Variants in PCDH7 observed in about 807,000 individuals in gnomAD.
PCDH7 encodes the protein protocadherin 7.
In PCDH7, 17 loss-of-function variants were observed where a neutral mutation model predicts 58.9. That is an observed-to-expected ratio of 0.29 (90% confidence interval 0.20 to 0.43). The LOEUF (loss-of-function observed/expected upper bound fraction) is 0.43. Among genes scored for constraint, PCDH7 ranks in the 20% least tolerant of loss-of-function variants. PCDH7 has a pLI of 1.00. For synonymous variants in PCDH7, 664 were observed against 616.4 expected (o/e 1.08, Z -1.14); for missense variants, 1,274 against 1,441.0 (o/e 0.88, Z 1.88).
chr4:31,048,514 C>G (rs1756473236), intron 3 of PCDH7, among the ~76,000 whole-genome samples: 1 of 152,046 alleles, frequency 6.6e-6, no homozygotes, highest in Non-Finnish European at 1.5e-5. Context: ...GACTAATTTG[C>G]TGTGATTAGC....
At chr4:30,989,178 T>A (rs966080948) in intron 3 of PCDH7, among the ~76,000 whole-genome samples, 9 of 152,162 alleles carry the variant, frequency 5.9e-5, no homozygotes, top group African/African-American at 2.2e-4. Context: ...TTTCTTAGAT[T>A]ATTTGATTTA....
At chr4:30,921,970 G>A (rs1016820039) in intron 2 of PCDH7, among the ~76,000 whole-genome samples, 5 of 151,602 alleles carry the variant, frequency 3.3e-5, no homozygotes, top group Non-Finnish European at 7.4e-5. Flanking sequence ...TGTTTTATGA[G>A]TTTATGGGGA....
intron 3 of PCDH7, among the ~76,000 whole-genome samples, chr4:31,129,863 G>A (rs1578875784): frequency 6.6e-6 from 1 of 151,882 alleles, no homozygotes; most frequent in Non-Finnish European, 1.5e-5. Flanking sequence ...CCTGACCTCA[G>A]GTGATCCACC....
chr4:30,838,495 G>T (rs1225410452), intron 1 of PCDH7, among the ~76,000 whole-genome samples: 4 of 151,542 alleles, frequency 2.6e-5, no homozygotes, highest in Admixed American at 6.6e-5. Flanking sequence ...ATTTTAAAGG[G>T]TTTTTTTTCC....
exon 2 of PCDH7, chr4:30,731,051 C>T (rs762935886): frequency 1.3e-5 from 15 of 1,178,038 alleles, no homozygotes; most frequent in Middle Eastern, 3.4e-4. Flanking sequence ...CTTAAAGAGG[C>T]GGTTAGCACC....
intron 3 of PCDH7, among the ~76,000 whole-genome samples, chr4:31,025,208 T>A (rs1364777769): frequency 1.3e-5 from 2 of 152,228 alleles, no homozygotes; most frequent in African/African-American, 4.8e-5. Flanking sequence ...AAGGAAAGGT[T>A]AACATACATT....
intron 3 of PCDH7, among the ~76,000 whole-genome samples, chr4:31,138,155 TC>T (rs1719842642): frequency 7.1e-6 from 1 of 140,180 alleles, no homozygotes; most frequent in East Asian, 2.1e-4. Context: ...GATTCTATTA[TC>T]TATCTGTCAC....
chr4:30,806,277 A>T (rs1726185057), intron 1 of PCDH7, among the ~76,000 whole-genome samples: 1 of 150,856 alleles, frequency 6.6e-6, no homozygotes, highest in Non-Finnish European at 1.5e-5. Context: ...ATCCACTCTG[A>T]CCCCTTTTCT....
At chr4:30,977,870 G>T (rs769888309) in intron 3 of PCDH7, among the ~76,000 whole-genome samples, 10 of 152,114 alleles carry the variant, frequency 6.6e-5, no homozygotes, top group Non-Finnish European at 1.2e-4. Context: ...ATTTTCCCAT[G>T]TTGGCCATTT....
chr4:31,141,820 G>A (rs1282381533), intron 3 of PCDH7, among the ~76,000 whole-genome samples: 1 of 152,118 alleles, frequency 6.6e-6, no homozygotes, highest in Non-Finnish European at 1.5e-5. Flanking sequence ...CATGGTAGGA[G>A]GGGGGTGAGG....
intron 2 of PCDH7, among the ~76,000 whole-genome samples, chr4:30,931,987 T>A (rs1435880207): frequency 6.6e-6 from 1 of 152,184 alleles, no homozygotes; most frequent in Non-Finnish European, 1.5e-5. Context: ...ATGCAATTAT[T>A]TGACCATTTT....
intron 1 of PCDH7, among the ~76,000 whole-genome samples, chr4:30,877,578 G>C (rs556151133): frequency 1.3e-5 from 2 of 152,294 alleles, no homozygotes; most frequent in South Asian, 2.1e-4. Context: ...GTCTCCTTCC[G>C]ACTGGCTCTC....
intron 3 of PCDH7, among the ~76,000 whole-genome samples, chr4:30,963,414 G>A (rs1171921747): frequency 6.6e-6 from 1 of 152,044 alleles, no homozygotes; most frequent in Non-Finnish European, 1.5e-5. Context: ...GATTATTTAA[G>A]ACCAAGTATA....
intron 3 of PCDH7, among the ~76,000 whole-genome samples, chr4:30,973,136 G>A (rs1238199898): frequency 6.6e-6 from 1 of 152,180 alleles, no homozygotes; most frequent in Non-Finnish European, 1.5e-5. Flanking sequence ...GGCCAAGTGT[G>A]TAATAGAGAC....
chr4:30,862,862 T>C (rs1411172984), intron 1 of PCDH7, among the ~76,000 whole-genome samples: 3 of 152,208 alleles, frequency 2.0e-5, no homozygotes, highest in Admixed American at 1.3e-4. Flanking sequence ...TATAGTACCA[T>C]GAGACTGATT....
chr4:30,891,058 C>T (rs1401819212), intron 1 of PCDH7, among the ~76,000 whole-genome samples: 1 of 152,064 alleles, frequency 6.6e-6, no homozygotes, highest in African/African-American at 2.4e-5. Flanking sequence ...TTTGTACATT[C>T]TCTATCTGAA....
intron 2 of PCDH7, among the ~76,000 whole-genome samples, chr4:30,940,048 A>C (rs75799937): frequency 0.091 from 13,885 of 151,896 alleles, 755 homozygotes; most frequent in Non-Finnish European, 0.12. Context: ...GAAATCTAAG[A>C]TCAATGATTA....
chr4:30,959,783 G>A (rs1173210895), intron 3 of PCDH7, among the ~76,000 whole-genome samples: 2 of 152,016 alleles, frequency 1.3e-5, no homozygotes, highest in Admixed American at 6.6e-5. Flanking sequence ...CTATAAATGT[G>A]TGCCTTCATC....
chr4:30,961,030 C>A (rs930150855), intron 3 of PCDH7, among the ~76,000 whole-genome samples: 1 of 152,076 alleles, frequency 6.6e-6, no homozygotes, highest in East Asian at 1.9e-4. Flanking sequence ...TGTTATTTGA[C>A]CTCAAAATGA....
Sources: allele counts gnomAD v4.1 joint callset (sites outside exome capture counted in the v4.1 genomes callset), GRCh38; gene constraint gnomAD v4.1.1; transcripts MANE v1.5; gene names NCBI Gene and HGNC (gene_info 2026-07-23, HGNC 2026-07-21).